Variants in POLQ observed in about 807,000 individuals in gnomAD.
The protein encoded by POLQ is DNA polymerase theta.
In POLQ, 233 loss-of-function variants were observed where a neutral mutation model predicts 259.2. The ratio of observed to expected loss-of-function variants is 0.90; its 90% CI spans 0.81 to 1.00. The LOEUF is 1.00. POLQ is among the 50% of genes least tolerant of loss of function. The probability of loss-of-function intolerance (pLI) is 0.00; values close to 1 mark genes in which losing one functional copy is unlikely to be tolerated. For missense variants in POLQ, 2,871 were observed against 3,051.6 expected, an observed-to-expected ratio of 0.94 and a Z score of 1.39; for synonymous variants, 1,025 against 1,048.8, an observed-to-expected ratio of 0.98 and a Z score of 0.44.
chr3:121,513,834 C>A (rs2048274505), intron 9 of POLQ, among the ~76,000 whole-genome samples: 1 of 151,672 alleles, frequency 6.6e-6, no homozygotes, highest in Non-Finnish European at 1.5e-5. Context: ...ACCAGCCTAA[C>A]CAACATGGTG....
At chr3:121,534,251 T>G (rs776761520) in intron 5 of POLQ, among the ~76,000 whole-genome samples, 31 of 152,068 alleles carry the variant, frequency 2.0e-4, no homozygotes, top group Admixed American at 7.9e-4. Flanking sequence ...TGTAGAATTT[T>G]TAAATGTCTG....
intron 7 of POLQ, among the ~76,000 whole-genome samples, chr3:121,522,376 A>G (rs1349259615): frequency 1.4e-5 from 1 of 73,416 alleles, no homozygotes; most frequent in South Asian, 9.1e-4. Flanking sequence ...CAGTGGCGCA[A>G]TCTCGGCTCA....
chr3:121,512,616 A>G (rs547515803), intron 9 of POLQ, among the ~76,000 whole-genome samples: 100 of 152,322 alleles, frequency 6.6e-4, no homozygotes, highest in Non-Finnish European at 9.3e-4. Flanking sequence ...ATCCTTTTCT[A>G]TAAAGGCTTC....
At chr3:121,444,858 T>C (rs1439452972) in intron 26 of POLQ, among the ~76,000 whole-genome samples, 1 of 152,046 alleles carries the variant, frequency 6.6e-6, no homozygotes, top group Non-Finnish European at 1.5e-5. Flanking sequence ...ATTGAAATGA[T>C]ATTGTTTTTA....
intron 5 of POLQ, among the ~76,000 whole-genome samples, chr3:121,536,272 A>G (rs190595089): frequency 1.3e-5 from 2 of 152,284 alleles, no homozygotes; most frequent in Admixed American, 1.3e-4. Context: ...GGATAAGGAG[A>G]GACTGCAGAG....
intron 8 of POLQ, among the ~76,000 whole-genome samples, chr3:121,520,404 T>C (rs1406399829): frequency 6.6e-6 from 1 of 151,970 alleles, no homozygotes; most frequent in Non-Finnish European, 1.5e-5. Flanking sequence ...TGCATGGTGG[T>C]GGGTGCCTGT....
intron 25 of POLQ, among the ~76,000 whole-genome samples, chr3:121,451,987 C>G (rs527989759): frequency 1.3e-5 from 2 of 152,224 alleles, no homozygotes; most frequent in African/African-American, 4.8e-5. Flanking sequence ...TCAGCACTGG[C>G]GGGCGCCCCT....
At chr3:121,454,815 C>A (rs573692436) in intron 25 of POLQ, among the ~76,000 whole-genome samples, 3,792 of 152,234 alleles carry the variant, frequency 0.025, 58 homozygotes, top group Middle Eastern at 0.048. Flanking sequence ...CAACATTAGA[C>A]AGATCAACGA....
In POLQ at chr3:121,489,695, T is replaced by C. The variant is rs761068268; in HGVS notation, c.3236A>G (p.Glu1079Gly). Residue 1079 changes from glutamate to glycine, a missense_variant, in exon 16 of 30, where the codon GAA becomes GGA. Glu to Gly is a moderately conservative substitution (Grantham distance 98). Coordinates refer to ENST00000264233, the MANE Select transcript of POLQ (RefSeq NM_199420.4). ...CTTCTCATCTAAGGTAAACGGGTCTTCACAAAGACTAGGATTAGACAGAGT... is the reference window on the plus strand; with the variant it reads ...CTTCTCATCTAAGGTAAACGGGTCTCCACAAAGACTAGGATTAGACAGAGT... ...GQTLSNPSLC[E>G]DPFTLDEKKT... 4 of 1,613,722 alleles carry C rather than the reference T, an allele frequency of 2.5e-6. No homozygotes were observed. The highest frequency in any genetic ancestry group is 2.5e-6 in the Non-Finnish European group (3 of 1,179,894).
chr3:121,483,613 ATTT>A (rs1278754866), intron 17 of POLQ, 31 bp from the exon 18 acceptor site: 1 of 1,474,140 alleles, frequency 6.8e-7, no homozygotes, highest in Non-Finnish European at 9.1e-7. Flanking sequence ...AGGAAAAAAC[ATTT>A]TTAAGGCAAA....
At chr3:121,455,012 C>T (rs992185326) in intron 25 of POLQ, among the ~76,000 whole-genome samples, 1 of 152,084 alleles carries the variant, frequency 6.6e-6, no homozygotes. Context: ...TGTAAAAGAA[C>T]AGAAATTATA....
At chr3:121,479,988 A>G (rs1434479656) in intron 19 of POLQ, among the ~76,000 whole-genome samples, 2 of 152,072 alleles carry the variant, frequency 1.3e-5, no homozygotes, top group Non-Finnish European at 2.9e-5. Flanking sequence ...TTCAAGTGAC[A>G]TTAAATAATA....
At chr3:121,497,842 A>C (rs1341876162) in intron 13 of POLQ, among the ~76,000 whole-genome samples, 2 of 152,228 alleles carry the variant, frequency 1.3e-5, no homozygotes, top group Non-Finnish European at 2.9e-5. Context: ...TTTAAGTATG[A>C]TATAAAGCAT....
At chr3:121,545,667 C>G (rs1466271963) in intron 1 of POLQ, 48 bp downstream of exon 1, 2 of 1,501,846 alleles carry the variant, frequency 1.3e-6, no homozygotes, top group South Asian at 2.6e-5. Flanking sequence ...ACCCATGGCC[C>G]GGCGGAGCTG....
At chr3:121,462,723 G>C (rs1332550396) in intron 24 of POLQ, among the ~76,000 whole-genome samples, 1 of 152,146 alleles carries the variant, frequency 6.6e-6, no homozygotes, top group African/African-American at 2.4e-5. Flanking sequence ...AAACAAGACT[G>C]AGAAGAGATC....
At chr3:121,443,558 C>T (rs1382380532) in intron 26 of POLQ, among the ~76,000 whole-genome samples, 1 of 152,056 alleles carries the variant, frequency 6.6e-6, no homozygotes, top group African/African-American at 2.4e-5. Flanking sequence ...TGTCTCTTCA[C>T]TTTGTTGGTT....
At chr3:121,456,971 T>G (rs1156573513) in intron 25 of POLQ, among the ~76,000 whole-genome samples, 3 of 152,172 alleles carry the variant, frequency 2.0e-5, no homozygotes, top group Admixed American at 1.3e-4. Context: ...TCAAGCTACC[T>G]GACTTCAAAC....
Position 121,525,945 on chromosome 3 carries a change from C to T in POLQ, c.1108+3700G>A, listed in dbSNP as rs562410719. ...TTCATGATTTCGTTCATACCTCCACCTTTTTTTGCCATTTTCACAATCTTT... is the reference window on the plus strand; with the variant it reads ...TTCATGATTTCGTTCATACCTCCACTTTTTTTTGCCATTTTCACAATCTTT... On this transcript the variant is annotated intron_variant, in intron 7 of 29. Coordinates refer to ENST00000264233, the MANE Select transcript of POLQ (RefSeq NM_199420.4). Among the ~76,000 whole-genome samples the T allele has an allele frequency of 4.5e-4, 69 of 152,182 alleles. No homozygotes were observed. The South Asian group carries it at 0.013, about 29-fold the overall frequency.
At chr3:121,471,675 G>A (rs531514741) in intron 22 of POLQ, among the ~76,000 whole-genome samples, 2 of 152,084 alleles carry the variant, frequency 1.3e-5, no homozygotes, top group Non-Finnish European at 2.9e-5. Context: ...CTGGGAGGCA[G>A]AGGTTGCAGG....
Sources: gnomAD v4.1 joint callset for allele counts (sites outside exome capture counted in the v4.1 genomes callset) on GRCh38, gnomAD v4.1.1 for gene constraint, MANE v1.5 for transcripts, NCBI Gene and HGNC (gene_info 2026-07-23, HGNC 2026-07-21) for gene names.